Variants in MAN1C1 observed in about 807,000 individuals in gnomAD.
MAN1C1 encodes mannosyl-oligosaccharide 1,2-alpha-mannosidase IC.
MAN1C1 carries 49 observed loss-of-function variants against 71.5 expected under a neutral mutation model. The observed-to-expected ratio is 0.69, with a 90% CI of 0.54 to 0.87. MAN1C1 has a LOEUF of 0.87. Ranked by LOEUF, MAN1C1 falls within the 40% of genes least tolerant of loss-of-function variation. The probability of loss-of-function intolerance (pLI) is 0.00; values close to 1 mark genes in which losing one functional copy is unlikely to be tolerated. For missense variants in MAN1C1, 743 were observed against 835.0 expected (o/e 0.89, Z 1.36); for synonymous variants, 352 against 343.7 (o/e 1.02, Z -0.27).
intron 2 of MAN1C1, among the ~76,000 whole-genome samples, chr1:25,720,276 A>G (rs958532815): frequency 1.3e-5 from 2 of 151,210 alleles, no homozygotes; most frequent in African/African-American, 2.4e-5. Flanking sequence ...CAGTGGTGCA[A>G]TCTCGGCTCA....
intron 2 of MAN1C1, among the ~76,000 whole-genome samples, chr1:25,719,630 G>A (rs2046737093): frequency 6.6e-6 from 1 of 151,688 alleles, no homozygotes; most frequent in African/African-American, 2.4e-5. Context: ...GTTTCACAAT[G>A]TTACCCAGGC....
chr1:25,681,737 C>T lies in MAN1C1; in HGVS notation c.541-4703C>T, dbSNP rs187534951. 2.0e-4 allele frequency among the ~76,000 whole-genome samples: 30 copies of T among 152,248 alleles called. 1 individual carries two copies. The East Asian group carries it at 5.0e-3, about 25-fold the overall frequency. On this transcript the variant is annotated intron_variant, in intron 1 of 11. Transcript: ENST00000374332. ...AAACTGTTCTCCAAAGTGGCCGCACCGTTTTCATTCCAACCAGCCATGTAT... is the reference window on the plus strand; with the variant it reads ...AAACTGTTCTCCAAAGTGGCCGCACTGTTTTCATTCCAACCAGCCATGTAT...
chr1:25,684,024 A>G (rs890244241), intron 1 of MAN1C1, among the ~76,000 whole-genome samples: 5 of 152,134 alleles, frequency 3.3e-5, no homozygotes, highest in Non-Finnish European at 2.9e-5. Flanking sequence ...AGCTTCTTTG[A>G]GACCACGTAG....
intron 5 of MAN1C1, among the ~76,000 whole-genome samples, chr1:25,754,016 C>T (rs746563869): frequency 6.6e-6 from 1 of 152,146 alleles, no homozygotes; most frequent in Non-Finnish European, 1.5e-5. Context: ...ATCACACCAT[C>T]CTCCTCCCAC....
chr1:25,659,430 C>T (rs1457477175), intron 1 of MAN1C1, among the ~76,000 whole-genome samples: 3 of 152,228 alleles, frequency 2.0e-5, no homozygotes, highest in Non-Finnish European at 4.4e-5. Context: ...CTGGCTACCT[C>T]TTTCTCAAGC....
intron 1 of MAN1C1, among the ~76,000 whole-genome samples, chr1:25,667,511 C>A (rs1980474): frequency 0.023 from 3,303 of 143,142 alleles, 135 homozygotes; most frequent in African/African-American, 0.081. Context: ...AAAAGCAATT[C>A]AAAGAAAAAG....
intron 1 of MAN1C1, among the ~76,000 whole-genome samples, chr1:25,637,519 G>A (rs2045479250): frequency 6.6e-6 from 1 of 152,006 alleles, no homozygotes; most frequent in African/African-American, 2.4e-5. Context: ...ATTAAGAAAT[G>A]TGTATTGTAT....
At chr1:25,663,318 C>T (rs961615390) in intron 1 of MAN1C1, among the ~76,000 whole-genome samples, 1 of 151,950 alleles carries the variant, frequency 6.6e-6, no homozygotes, top group Non-Finnish European at 1.5e-5. Context: ...TTGTGTAATA[C>T]AGTAATTCCC....
chr1:25,771,621 A>G, intron 7 of MAN1C1, 36 bp from the exon 8 acceptor site: 1 of 1,529,120 alleles, frequency 6.5e-7, no homozygotes, highest in Non-Finnish European at 9.1e-7. Flanking sequence ...CCGGCGGCAG[A>G]TGGAGATAAT....
In MAN1C1 at chr1:25,776,428, A is replaced by G. The variant is rs1289285326; in HGVS notation, c.1258-1677A>G. Reference sequence around the variant, plus strand: ...TAGCCGGGGGTGGTGGCACACGCCTATAATTACCCAGCTACTTGGGAGGCT... The same window carrying G: ...TAGCCGGGGGTGGTGGCACACGCCTGTAATTACCCAGCTACTTGGGAGGCT... On this transcript the variant is annotated intron_variant, in intron 8 of 11. Transcript: ENST00000374332. This position sits in a 1 kb window ranked among gnomAD's most constrained non-coding sequence, Gnocchi z 4.3. Among the ~76,000 whole-genome samples the G allele has an allele frequency of 3.3e-5, 5 of 152,118 alleles. No homozygotes were observed.
rs971419908 is a variant in MAN1C1 at position 25,782,092 on chromosome 1, A to G, written c.1651-493A>G. Among the ~76,000 whole-genome samples, 2 of 150,762 alleles carry G rather than the reference A, an allele frequency of 1.3e-5. No homozygotes were observed. Among genetic ancestry groups the G allele is most frequent in the African/African-American group, 4.9e-5 (2 of 40,794 alleles). ...AAAATGAGACCTTGTCTCAAGAAAA[A>G]AAAATGCATTTATATAGAAAGATGA... On this transcript the variant is annotated intron_variant, in intron 10 of 11. Coordinates refer to ENST00000374332, the MANE Select transcript of MAN1C1 (RefSeq NM_020379.4). The surrounding 1 kb of genome is among the most constrained non-coding windows in gnomAD (Gnocchi z 4.4).
chr1:25,783,765 C>A lies in MAN1C1; in HGVS notation c.1869C>A (p.Ser623=), dbSNP rs147591390. Residue 623 remains serine (S), a synonymous_variant, in exon 12 of 12, where the codon TCC becomes TCA. Coordinates refer to ENST00000374332, the MANE Select transcript of MAN1C1 (RefSeq NM_020379.4). ...HPLPVNHSDS[S]GRAWGRH is the part of the protein sequence containing the mutation. ...TCCCGGTGAACCACTCAGACAGCTC[C>A]GGCAGAGCCTGGGGCAGACACTGAC... is the stretch of plus-strand genomic sequence containing the variant. 1.6e-5 allele frequency: 26 copies of A among 1,612,108 alleles called. No homozygotes were observed. The highest frequency in any genetic ancestry group is 2.1e-5 in the Non-Finnish European group (25 of 1,180,012).
chr1:25,768,021 A>G (rs2047470923), intron 7 of MAN1C1, among the ~76,000 whole-genome samples: 1 of 77,692 alleles, frequency 1.3e-5, no homozygotes, highest in Non-Finnish European at 2.5e-5. Flanking sequence ...ACACAGACCC[A>G]CACACCCACA....
chr1:25,696,733 A>C (rs1210143643), intron 2 of MAN1C1, among the ~76,000 whole-genome samples: 3 of 152,032 alleles, frequency 2.0e-5, no homozygotes, highest in African/African-American at 7.3e-5. Flanking sequence ...TGCAGCCTCT[A>C]ACTCCTGGGC....
chr1:25,766,756 G>C (rs778040950), intron 7 of MAN1C1, among the ~76,000 whole-genome samples: 62 of 152,126 alleles, frequency 4.1e-4, no homozygotes, highest in Non-Finnish European at 7.6e-4. Context: ...CAGCCCCTCG[G>C]TGCGGCACCT....
At chr1:25,719,961 T>G (rs916883046) in intron 2 of MAN1C1, among the ~76,000 whole-genome samples, 1 of 151,980 alleles carries the variant, frequency 6.6e-6, no homozygotes, top group Non-Finnish European at 1.5e-5. Flanking sequence ...TTTTTGTGTT[T>G]TTAGTAGAGA....
At chr1:25,704,140 T>G (rs1244251681) in intron 2 of MAN1C1, among the ~76,000 whole-genome samples, 1 of 152,172 alleles carries the variant, frequency 6.6e-6, no homozygotes, top group Non-Finnish European at 1.5e-5. Flanking sequence ...TCAGGCCCAC[T>G]CCTTTAATCT....
In MAN1C1 at chr1:25,625,705, C is replaced by T. The variant is rs369755597; in HGVS notation, c.540+7368C>T. 2.4e-4 allele frequency among the ~76,000 whole-genome samples: 37 copies of T among 152,124 alleles called. No individual in the cohort carries two copies. In the East Asian group the frequency reaches 5.6e-3, roughly 23 times the overall value. On this transcript the variant is annotated intron_variant, in intron 1 of 11. Coordinates refer to ENST00000374332, the MANE Select transcript of MAN1C1 (RefSeq NM_020379.4). ...GCGTGGTAGTGTACACCTGTGTTCC[C>T]AGCTACTCAGGAGGCTGAGGTGGGT...
At chr1:25,731,408 A>G (rs553098175) in intron 2 of MAN1C1, among the ~76,000 whole-genome samples, 8 of 152,282 alleles carry the variant, frequency 5.3e-5, no homozygotes, top group African/African-American at 1.9e-4. Flanking sequence ...TCTGTAGTCC[A>G]TTTACATTTA....
Sources: allele counts gnomAD v4.1 joint callset (sites outside exome capture counted in the v4.1 genomes callset), GRCh38; gene constraint gnomAD v4.1.1; non-coding constraint Gnocchi (gnomAD v3.1); transcripts MANE v1.5; gene names NCBI Gene and HGNC (gene_info 2026-07-23, HGNC 2026-07-21).